Variants in SPG11 observed in about 807,000 individuals in gnomAD.
SPG11 encodes the protein SPG11 vesicle trafficking associated, spatacsin.
A neutral mutation model predicts 274.0 loss-of-function variants in SPG11; 222 were observed. The ratio of observed to expected loss-of-function variants is 0.81; its 90% CI spans 0.73 to 0.91. The LOEUF (loss-of-function observed/expected upper bound fraction) is 0.91. Ranked by LOEUF, SPG11 falls within the 40% of genes least tolerant of loss-of-function variation. The pLI, the probability that SPG11 is intolerant of heterozygous loss-of-function variation, is 0.00. For synonymous variants in SPG11, 1,144 were observed against 1,039.7 expected (o/e 1.10, Z -1.93); for missense variants, 3,114 against 2,872.7 (o/e 1.08, Z -1.92).
chr15:44,563,919 T>G (rs1258262628), intron 39 of SPG11, among the ~76,000 whole-genome samples: 2 of 152,226 alleles, frequency 1.3e-5, no homozygotes, highest in Admixed American at 1.3e-4. Flanking sequence ...AAATATTTCT[T>G]TAAAAATGAG....
At chr15:44,588,878 C>T (rs1453513865) in intron 28 of SPG11, among the ~76,000 whole-genome samples, 1 of 152,178 alleles carries the variant, frequency 6.6e-6, no homozygotes, top group African/African-American at 2.4e-5. Context: ...GCTCCAGACT[C>T]AGAGCAGAGC....
chr15:44,637,346 C>T (rs1438272788), intron 7 of SPG11, among the ~76,000 whole-genome samples: 1 of 152,194 alleles, frequency 6.6e-6, no homozygotes, highest in Admixed American at 6.5e-5. Context: ...CAGGATCTCA[C>T]TCTGTTGCCC....
At position 44,641,586 on chromosome 15, in the gene SPG11, TACACACAC is replaced by T. The variant is rs147901004; in HGVS notation, c.1602+7272_1602+7279del. 1.1e-3 allele frequency among the ~76,000 whole-genome samples: 119 copies of T among 112,484 alleles called. 1 individual carries two copies. Among genetic ancestry groups the T allele is most frequent in the South Asian group, 4.2e-3 (14 of 3,312 alleles). 73.8% of individuals were successfully genotyped at this position (112,484 alleles called of 152,430 possible). ...TGAAAGAAAAAAAATCCAAATATCTTACACACACACACACACACACACACACACACACA... is the reference window on the plus strand; with the variant it reads ...TGAAAGAAAAAAAATCCAAATATCTTACACACACACACACACACACACACA... On this transcript the variant is annotated intron_variant, in intron 7 of 39. Transcript: ENST00000261866.
At chr15:44,604,008 G>A (rs1047467058) in intron 20 of SPG11, 6 of 271,392 alleles carry the variant, frequency 2.2e-5, no homozygotes, top group South Asian at 6.5e-5. Flanking sequence ...CTCCTGTCAC[G>A]TACTATTCAA....
At chr15:44,631,980 T>A (rs1261522534) in intron 8 of SPG11, among the ~76,000 whole-genome samples, 1 of 151,560 alleles carries the variant, frequency 6.6e-6, no homozygotes, top group Non-Finnish European at 1.5e-5. Flanking sequence ...AGCTAATTTT[T>A]AAATTTTTTG....
chr15:44,570,364 G>C (rs2082396539), intron 34 of SPG11, among the ~76,000 whole-genome samples, 161 bp downstream of exon 34: 1 of 152,178 alleles, frequency 6.6e-6, no homozygotes, highest in Non-Finnish European at 1.5e-5. Flanking sequence ...ATGATAACTT[G>C]GAGCAGAGGG....
rs755042849 is a variant in SPG11, at chr15:44,613,427, T to A, written c.3145+3A>T. ...TTCTGTGTTTAATACAGTATACCCATACCTGTTAAGTTACTGGCAACTTGT... is the reference window on the plus strand; with the variant it reads ...TTCTGTGTTTAATACAGTATACCCAAACCTGTTAAGTTACTGGCAACTTGT... On this transcript the variant is annotated splice_donor_region_variant and intron_variant, in intron 17 of 39. Coordinates refer to ENST00000261866, the MANE Select transcript of SPG11 (RefSeq NM_025137.4). The A allele has an allele frequency of 3.1e-6, 5 of 1,591,702 alleles. No individual in the cohort carries two copies.
chr15:44,591,834 G>A (rs543085445), intron 27 of SPG11, among the ~76,000 whole-genome samples: 48 of 152,214 alleles, frequency 3.2e-4, no homozygotes, highest in Non-Finnish European at 5.9e-4. Context: ...AAATGATCGG[G>A]TGCAGTGGCT....
chr15:44,652,308 T>C, intron 4 of SPG11, 42 bp from the exon 5 acceptor site: 2 of 1,609,586 alleles, frequency 1.2e-6, no homozygotes, highest in Non-Finnish European at 1.7e-6. Context: ...AAAATGATGA[T>C]CAAACCCAAA....
Position 44,596,807 on chromosome 15 carries a change from G to C in SPG11, c.4138C>G (p.Leu1380Val). The change falls in exon 24 of 40, where the codon CTC becomes GTC. Residue 1380 changes from leucine (L) to valine (V), a missense_variant. By Grantham distance (32) the Leu-to-Val change is conservative. Coordinates refer to ENST00000261866, the MANE Select transcript of SPG11 (RefSeq NM_025137.4). ...DWLQFIIHSQ[L>V]HNYHPAEVKS... The stretch of plus-strand genomic sequence containing the variant: ...ACCTCTGCTGGGTGGTAGTTGTGGA[G>C]TTGGCTGTGAATAATGAACTGCAGC... 6.2e-7 allele frequency: 1 copy of C among 1,613,656 alleles called. No homozygotes were observed. Among genetic ancestry groups the C allele is most frequent in the South Asian group, 1.1e-5 (1 of 91,066 alleles).
chr15:44,642,524 C>T (rs553141371), intron 7 of SPG11, among the ~76,000 whole-genome samples: 1 of 151,316 alleles, frequency 6.6e-6, no homozygotes, highest in African/African-American at 2.4e-5. Flanking sequence ...TTTGGGGATA[C>T]ATTTATATGC....
In SPG11 at chr15:44,595,196, C is replaced by G. The variant is rs527575856; in HGVS notation, c.4635+63G>C. 2.6e-6 allele frequency: 4 copies of G among 1,513,550 alleles called. No homozygotes were observed. In the South Asian group the frequency reaches 3.4e-5, roughly 13 times the overall value. The allele number at this position is 1,513,550 out of a possible 1,614,324, so 93.8% of individuals were successfully genotyped here. ...TCCAGGGATGGAAATAAGAAAAAGC[C>G]AAGAAGGGATATGCTGAAGTAATCT... On this transcript the variant is annotated intron_variant, in intron 26 of 39. Coordinates refer to ENST00000261866, the MANE Select transcript of SPG11 (RefSeq NM_025137.4).
At chr15:44,636,400 A>G (rs1263821592) in intron 7 of SPG11, among the ~76,000 whole-genome samples, 2 of 152,158 alleles carry the variant, frequency 1.3e-5, no homozygotes, top group Middle Eastern at 3.4e-3. Flanking sequence ...GAAGGATTAT[A>G]AAGTTTGCAA....
intron 34 of SPG11, among the ~76,000 whole-genome samples, chr15:44,570,153 G>A (rs1198557179): frequency 6.6e-6 from 1 of 152,182 alleles, no homozygotes; most frequent in Non-Finnish European, 1.5e-5. Context: ...ATTTAGGGAG[G>A]CACATGGGAA....
Position 44,583,953 on chromosome 15 carries a change from G to A in SPG11, c.5727C>T (p.Ala1909=), listed in dbSNP as rs2082705054. Residue 1909 remains alanine, a synonymous_variant, in exon 30 of 40, where the codon GCC becomes GCT. Transcript: ENST00000261866. ...RYFHFYNPDV[A]LVLHCRALAS... ...CCAGTGCTCTGCAGTGCAATACCAA[G>A]GCGACATCTGGATTATAAAAATGAA... 3.1e-6 allele frequency: 5 copies of A among 1,614,040 alleles called. No homozygotes were observed. The highest frequency in any genetic ancestry group is 1.7e-5 in the Admixed American group (1 of 59,998).
chr15:44,636,300 C>A (rs1261925071), intron 7 of SPG11, among the ~76,000 whole-genome samples: 1 of 151,812 alleles, frequency 6.6e-6, no homozygotes, highest in Non-Finnish European at 1.5e-5. Flanking sequence ...ACAAACTATG[C>A]CTTCGTTCTG....
At chr15:44,625,356 T>C (rs1300774470) in intron 11 of SPG11, among the ~76,000 whole-genome samples, 1 of 152,130 alleles carries the variant, frequency 6.6e-6, no homozygotes, top group African/African-American at 2.4e-5. Flanking sequence ...AAATCTCATG[T>C]TGAATTGTAA....
At position 44,574,888 on chromosome 15, in the gene SPG11, CCCTTGGCACATA is replaced by C. The variant is rs752917257; in HGVS notation, c.6006+2_6006+13del. The C allele has an allele frequency of 1.2e-6, 2 of 1,613,598 alleles. No homozygotes were observed. Among genetic ancestry groups the C allele is most frequent in the East Asian group, 2.2e-5 (1 of 44,880 alleles). ...TCCCTCTCAGAAAGAGGAGCCCCAC[CCCTTGGCACATA>C]CCTTGGCAAGATCATACAGACAGAG... On this transcript the variant is annotated splice_donor_variant and splice_donor_5th_base_variant and intron_variant, in intron 31 of 39. Transcript: ENST00000261866. LOFTEE classifies it high-confidence loss of function.
At chr15:44,619,452 C>T (rs1008659514) in intron 15 of SPG11, among the ~76,000 whole-genome samples, 2 of 152,138 alleles carry the variant, frequency 1.3e-5, no homozygotes, top group African/African-American at 4.8e-5. Flanking sequence ...AGTTTAAAAT[C>T]TTCACATCAC....
Sources: allele counts gnomAD v4.1 joint callset (sites outside exome capture counted in the v4.1 genomes callset), GRCh38; gene constraint gnomAD v4.1.1; transcripts MANE v1.5; gene names NCBI Gene and HGNC (gene_info 2026-07-23, HGNC 2026-07-21).